SORBS2: variants seen among roughly 807,000 people sequenced by gnomAD.
SORBS2 encodes the protein sorbin and SH3 domain-containing protein 2.
In SORBS2, 46 loss-of-function variants were observed where a neutral mutation model predicts 97.7. The observed-to-expected ratio is 0.47, with a 90% confidence interval of 0.37 to 0.60. SORBS2 has a LOEUF of 0.60. SORBS2 is among the 20% of genes least tolerant of loss of function. The pLI, the probability that SORBS2 is intolerant of heterozygous loss-of-function variation, is 0.00. For missense variants in SORBS2, 1,316 were observed against 1,282.3 expected (o/e 1.03, Z -0.40); for synonymous variants, 476 against 473.4 (o/e 1.01, Z -0.07).
At chr4:185,908,701 A>G (rs982348331) in intron 1 of SORBS2, among the ~76,000 whole-genome samples, 1 of 151,934 alleles carries the variant, frequency 6.6e-6, no homozygotes, top group African/African-American at 2.4e-5. Flanking sequence ...TATTTCTATA[A>G]ACTAGTAAAA....
intron 1 of SORBS2, among the ~76,000 whole-genome samples, chr4:185,840,796 C>T (rs1282793544): frequency 1.3e-5 from 2 of 152,134 alleles, no homozygotes; most frequent in African/African-American, 4.8e-5. Flanking sequence ...GAGATGAAGG[C>T]AACAGAATCC....
chr4:185,688,075 A>G (rs150112572), intron 2 of SORBS2, among the ~76,000 whole-genome samples: 61 of 152,294 alleles, frequency 4.0e-4, no homozygotes, highest in African/African-American at 1.4e-3. Flanking sequence ...TAATTATTTG[A>G]TGTCTTTCCT....
chr4:185,705,247 CCT>C (rs1197644604), intron 2 of SORBS2, among the ~76,000 whole-genome samples: 1 of 152,204 alleles, frequency 6.6e-6, no homozygotes, highest in East Asian at 1.9e-4. Flanking sequence ...ATTTTCCAAT[CCT>C]CTCTTTGTTT....
intron 2 of SORBS2, among the ~76,000 whole-genome samples, chr4:185,768,822 A>T (rs1463265656): frequency 6.6e-6 from 1 of 152,240 alleles, no homozygotes; most frequent in Non-Finnish European, 1.5e-5. Flanking sequence ...CTGAAAAAGC[A>T]AGAAAGGTTA....
chr4:185,826,575 A>G (rs140652219), intron 1 of SORBS2, among the ~76,000 whole-genome samples: 47 of 152,354 alleles, frequency 3.1e-4, no homozygotes, highest in African/African-American at 1.1e-3. Flanking sequence ...AATGTGTGAA[A>G]TTATGATTAC....
intron 2 of SORBS2, among the ~76,000 whole-genome samples, chr4:185,748,158 C>T (rs9996909): frequency 7.1e-4 from 108 of 152,208 alleles, no homozygotes; most frequent in African/African-American, 2.5e-3. Context: ...TGGTGACTTG[C>T]TTTGGAACTA....
At chr4:185,698,117 C>A (rs998461025) in intron 2 of SORBS2, among the ~76,000 whole-genome samples, 1 of 152,120 alleles carries the variant, frequency 6.6e-6, no homozygotes, top group Non-Finnish European at 1.5e-5. Flanking sequence ...AAAAGTAGTT[C>A]ATCTCTCCTG....
chr4:185,625,687 C>T (rs1056425909), intron 6 of SORBS2, among the ~76,000 whole-genome samples: 3 of 152,228 alleles, frequency 2.0e-5, no homozygotes, highest in Non-Finnish European at 4.4e-5. Context: ...TCTGATAAGG[C>T]ATCTCTGCTC....
At chr4:185,889,505 A>G (rs1188411482) in intron 1 of SORBS2, among the ~76,000 whole-genome samples, 1 of 152,064 alleles carries the variant, frequency 6.6e-6, no homozygotes, top group Non-Finnish European at 1.5e-5. Context: ...CTTCTGGGAC[A>G]TGATGCTGTT....
At chr4:185,743,601 T>A (rs573062446) in intron 2 of SORBS2, among the ~76,000 whole-genome samples, 4 of 152,182 alleles carry the variant, frequency 2.6e-5, no homozygotes, top group East Asian at 1.9e-4. Context: ...CAAAATCTAT[T>A]CAGTCACATT....
intron 2 of SORBS2, among the ~76,000 whole-genome samples, chr4:185,699,760 T>C (rs1180161369): frequency 1.3e-5 from 2 of 152,258 alleles, no homozygotes; most frequent in Non-Finnish European, 2.9e-5. Flanking sequence ...TACATTATTC[T>C]TTGGGATCTA....
In SORBS2 at chr4:185,858,094, G is replaced by A. The variant is rs145714737; in HGVS notation, c.-337-82728C>T. On this transcript the variant is annotated intron_variant, in intron 1 of 20. Coordinates refer to the SORBS2 transcript ENST00000284776. ...TTTTGCAGCTCGAGGTCTCCATCAC[G>A]GTCCTATCAATATGCGATGGCACCC... Among the ~76,000 whole-genome samples, 869 of 152,132 alleles carry A rather than the reference G, an allele frequency of 5.7e-3. 8 individuals carry two copies. The highest frequency in any genetic ancestry group is 0.019 in the African/African-American group (808 of 41,490).
At chr4:185,801,045 T>TC (rs1007183479) in intron 1 of SORBS2, among the ~76,000 whole-genome samples, 5 of 152,130 alleles carry the variant, frequency 3.3e-5, no homozygotes, top group African/African-American at 1.2e-4. Context: ...CTCATTTTCC[T>TC]CCCCCCACCA....
At chr4:185,854,110 T>A (rs2099219422) in intron 1 of SORBS2, among the ~76,000 whole-genome samples, 1 of 151,588 alleles carries the variant, frequency 6.6e-6, no homozygotes, top group African/African-American at 2.4e-5. Context: ...CAGAGGGGAG[T>A]GGTTGAGGAA....
chr4:185,598,749 C>T (rs1173949318), intron 12 of SORBS2, among the ~76,000 whole-genome samples: 2 of 152,038 alleles, frequency 1.3e-5, no homozygotes, highest in Non-Finnish European at 2.9e-5. Context: ...TTTCTAGAGG[C>T]TTATTTTTCC....
intron 1 of SORBS2, among the ~76,000 whole-genome samples, chr4:185,827,039 T>TTAC (rs2099200321): frequency 6.9e-6 from 1 of 144,480 alleles, no homozygotes; most frequent in Non-Finnish European, 1.5e-5. Flanking sequence ...ATCACCACCA[T>TTAC]CATCACCACC....
chr4:185,830,000 T>G (rs756002501), intron 1 of SORBS2, among the ~76,000 whole-genome samples: 13 of 152,224 alleles, frequency 8.5e-5, no homozygotes, highest in Non-Finnish European at 1.6e-4. Context: ...ATATATTAAT[T>G]AAATTAAAAA....
intron 2 of SORBS2, among the ~76,000 whole-genome samples, chr4:185,742,734 G>A (rs1394387901): frequency 2.0e-5 from 3 of 152,218 alleles, no homozygotes; most frequent in Non-Finnish European, 4.4e-5. Flanking sequence ...ATAGTGAAAA[G>A]GAGAGAAAAT....
intron 1 of SORBS2, among the ~76,000 whole-genome samples, chr4:185,933,774 C>A (rs1055154306): frequency 6.6e-6 from 1 of 152,092 alleles, no homozygotes; most frequent in African/African-American, 2.4e-5. Flanking sequence ...AAGTCACATA[C>A]GTAGGTACTG....
Sources: allele counts gnomAD v4.1 joint callset (sites outside exome capture counted in the v4.1 genomes callset), GRCh38; gene constraint gnomAD v4.1.1; transcripts MANE v1.5; gene names NCBI Gene and HGNC (gene_info 2026-07-23, HGNC 2026-07-21).